The following AXL variants were observed in gnomAD, a reference collection of about 807,000 sequenced individuals.
The protein encoded by AXL is tyrosine-protein kinase receptor UFO.
A neutral mutation model predicts 104.5 loss-of-function variants in AXL; 52 were observed. That is an observed-to-expected ratio of 0.50 (90% CI 0.40 to 0.63). The LOEUF (loss-of-function observed/expected upper bound fraction) is 0.63. Among genes scored for constraint, AXL ranks in the 20% least tolerant of loss-of-function variants. The pLI, the probability that AXL is intolerant of heterozygous loss-of-function variation, is 0.00. For missense variants in AXL, 1,024 were observed against 1,188.5 expected (o/e 0.86, Z 2.04); for synonymous variants, 455 against 473.7 (o/e 0.96, Z 0.51).
chr19:41,226,688 C>T (rs945887085), intron 4 of AXL: 22 of 941,256 alleles, frequency 2.3e-5, no homozygotes, highest in Non-Finnish European at 2.7e-5. Context: ...CATGCACGTA[C>T]ACACCATCCA....
intron 6 of AXL, among the ~76,000 whole-genome samples, chr19:41,234,619 A>G (rs1417434412): frequency 6.6e-6 from 1 of 152,242 alleles, no homozygotes; most frequent in African/African-American, 2.4e-5. Flanking sequence ...GTTTATATGC[A>G]TCATGTCATT....
rs1013847113 is a variant in AXL, at chr19:41,221,430, T to C, written c.409+184T>C. ...TCAAGAAGCTGGGAGTCCATATAAG[T>C]TATGGTGCCAAGGCTGGGGGATTAT... On this transcript the variant is annotated intron_variant, in intron 3 of 19. Coordinates refer to ENST00000301178, the MANE Select transcript of AXL (RefSeq NM_021913.5). The C allele has an allele frequency of 1.2e-5, 7 of 573,848 alleles. No homozygotes were observed. The South Asian group carries it at 1.4e-4, about 11-fold the overall frequency. 35.5% of individuals were successfully genotyped at this position (573,848 alleles called of 1,614,324 possible).
At chr19:41,225,443 C>T (rs2033862911) in intron 4 of AXL, among the ~76,000 whole-genome samples, 2 of 152,090 alleles carry the variant, frequency 1.3e-5, no homozygotes, top group South Asian at 2.1e-4. Flanking sequence ...TCAAAATGAC[C>T]CTTCATTGTG....
chr19:41,249,075 G>A (rs754683837), intron 14 of AXL, among the ~76,000 whole-genome samples: 12 of 152,112 alleles, frequency 7.9e-5, no homozygotes, highest in Non-Finnish European at 1.5e-4. Flanking sequence ...TCCCCCGCTA[G>A]GCCTGAAGGG....
intron 17 of AXL, 22 bp downstream of exon 17, chr19:41,253,730 C>T (rs397833091): frequency 4.1e-6 from 6 of 1,473,524 alleles, no homozygotes; most frequent in Non-Finnish European, 4.6e-6. Flanking sequence ...TCAGGGACCC[C>T]CCCCCCCCAA....
intron 8 of AXL, 79 bp downstream of exon 8, chr19:41,238,688 T>C: frequency 6.7e-7 from 1 of 1,500,936 alleles, no homozygotes; most frequent in Non-Finnish European, 8.9e-7. Flanking sequence ...CATAGATGGT[T>C]GTGAAGGTTG....
intron 4 of AXL, among the ~76,000 whole-genome samples, chr19:41,230,766 C>T (rs2122218606): frequency 6.6e-6 from 1 of 152,086 alleles, no homozygotes; most frequent in African/African-American, 2.4e-5. Context: ...GGGCTGAAAC[C>T]AAGCCATCCT....
rs773197104 is a variant in AXL, at chr19:41,259,743, C to T, written c.2524C>T (p.Pro842Ser). 5.0e-6 allele frequency: 8 copies of T among 1,614,014 alleles called. No individual in the cohort carries two copies. Among genetic ancestry groups the T allele is most frequent in the South Asian group, 1.1e-5 (1 of 91,078 alleles). The change falls in exon 20 of 20, where the codon CCC becomes TCC. Residue 842 changes from proline (P) to serine (S), a missense_variant. Coordinates refer to ENST00000301178, the MANE Select transcript of AXL (RefSeq NM_021913.5). ...EPPGAAGGAD[P>S]PTQPDPKDSC... ...CCCTGGAGCTGCAGGAGGAGCTGAC[C>T]CCCCAACCCAGCCAGACCCTAAGGA...
chr19:41,232,391 G>T (rs1207522881), intron 6 of AXL, among the ~76,000 whole-genome samples: 3 of 152,168 alleles, frequency 2.0e-5, no homozygotes, highest in Non-Finnish European at 4.4e-5. Context: ...GGAGGCCAAG[G>T]CTGGTGGATC....
At chr19:41,225,032 C>G (rs777661476) in intron 4 of AXL, among the ~76,000 whole-genome samples, 4 of 152,222 alleles carry the variant, frequency 2.6e-5, no homozygotes, top group Non-Finnish European at 5.9e-5. Context: ...GAGACGGAGT[C>G]TCACTCTGTC....
At chr19:41,237,819 C>A in intron 6 of AXL, 125 bp from the exon 7 acceptor site, 1 of 840,626 alleles carries the variant, frequency 1.2e-6, no homozygotes, top group Non-Finnish European at 1.9e-6. Flanking sequence ...CCTAGCATGG[C>A]ACTGCAACAC....
chr19:41,232,641 A>G (rs551395196), intron 6 of AXL, among the ~76,000 whole-genome samples: 1 of 151,844 alleles, frequency 6.6e-6, no homozygotes, highest in African/African-American at 2.4e-5. Flanking sequence ...AAAAAAAAAG[A>G]AAGAAAGAAA....
chr19:41,221,274 G>A (rs1477435591), intron 3 of AXL, 28 bp downstream of exon 3: 1 of 1,597,378 alleles, frequency 6.3e-7, no homozygotes, highest in Non-Finnish European at 8.6e-7. Context: ...GGGTCCTGAG[G>A]GGTCAGAGGA....
Position 41,259,597 on chromosome 19 carries a change from G to C in AXL, c.2378G>C (p.Arg793Pro), listed in dbSNP as rs750479355. The change falls in exon 20 of 20, where the codon CGG becomes CCG. Residue 793 changes from arginine to proline, a missense_variant. Physicochemically the swap from Arg to Pro is moderately radical, Grantham distance 103 (BLOSUM62 -2). Transcript: ENST00000301178. Reference sequence around the variant, plus strand: ...TGCTGGGAGCTAAATCCCCAGGACCGGCCAAGTTTTACAGAGCTGCGGGAA... The same window carrying C: ...TGCTGGGAGCTAAATCCCCAGGACCCGCCAAGTTTTACAGAGCTGCGGGAA... Reference protein sequence around the residue: ...SRCWELNPQDRPSFTELREDL... With the variant: ...SRCWELNPQDPPSFTELREDL... 3 of 1,613,342 alleles carry C rather than the reference G, an allele frequency of 1.9e-6. No individual in the cohort carries two copies. The highest frequency in any genetic ancestry group is 1.7e-6 in the Non-Finnish European group (2 of 1,179,624).
chr19:41,221,824 C>G, intron 3 of AXL, 56 bp from the exon 4 acceptor site: 1 of 1,571,210 alleles, frequency 6.4e-7, no homozygotes, highest in Non-Finnish European at 8.6e-7. Context: ...AGTGGTGAGT[C>G]AGGCATCTTG....
rs1016564274 is a variant in AXL at position 41,241,844 on chromosome 19, AAAAC to A, written c.1313-1027_1313-1024del. 3.9e-5 allele frequency among the ~76,000 whole-genome samples: 6 copies of A among 152,274 alleles called. No individual in the cohort carries two copies. In the South Asian group the frequency reaches 6.2e-4, roughly 16 times the overall value. On this transcript the variant is annotated intron_variant, in intron 10 of 19. Transcript: ENST00000301178. Reference sequence around the variant, plus strand: ...GTGAAAGAGTGAGACCCTGTCTCAAAAAACAAACAAACAAAAAAAGAGACAAAGA... The same window carrying A: ...GTGAAAGAGTGAGACCCTGTCTCAAAAAACAAACAAAAAAAGAGACAAAGA...
intron 1 of AXL, among the ~76,000 whole-genome samples, chr19:41,219,981 T>C (rs1044811505): frequency 6.6e-6 from 1 of 151,896 alleles, no homozygotes; most frequent in African/African-American, 2.4e-5. Flanking sequence ...TTTGTCTCTC[T>C]GTCTCTGCCT....
chr19:41,249,750 C>T (rs1258730226), intron 14 of AXL, among the ~76,000 whole-genome samples: 1 of 150,924 alleles, frequency 6.6e-6, no homozygotes, highest in South Asian at 2.1e-4. Context: ...AGCAAGACTC[C>T]GTCTGAAAAA....
chr19:41,232,508 AG>A (rs2034008667), intron 6 of AXL, among the ~76,000 whole-genome samples: 1 of 152,128 alleles, frequency 6.6e-6, no homozygotes, highest in African/African-American at 2.4e-5. Context: ...CTGTAATCCC[AG>A]CTACTCAGGA....
Sources: allele counts gnomAD v4.1 joint callset (sites outside exome capture counted in the v4.1 genomes callset), GRCh38; gene constraint gnomAD v4.1.1; transcripts MANE v1.5; gene names NCBI Gene and HGNC (gene_info 2026-07-23, HGNC 2026-07-21).